The following ANPEP variants were observed in gnomAD, a reference collection of about 807,000 sequenced individuals.
ANPEP encodes the protein alanyl aminopeptidase, membrane, also known as aminopeptidase N.
Under a neutral mutation model 114.6 loss-of-function variants are expected in ANPEP, and 70 were observed. The ratio of observed to expected loss-of-function variants is 0.61; its 90% CI spans 0.50 to 0.75. The LOEUF (loss-of-function observed/expected upper bound fraction) is 0.75, where lower values mean the gene tolerates loss of function less well. Among genes scored for constraint, ANPEP ranks in the 30% least tolerant of loss-of-function variants. The pLI, the probability that ANPEP is intolerant of heterozygous loss-of-function variation, is 0.00. For synonymous variants in ANPEP, 548 were observed against 522.3 expected, an observed-to-expected ratio of 1.05 and a Z score of -0.67; for missense variants, 1,184 against 1,259.5, an observed-to-expected ratio of 0.94 and a Z score of 0.91.
In ANPEP at chr15:89,803,588, G is replaced by A. The variant is rs556877083; in HGVS notation, c.1437+59C>T. 6.2e-7 allele frequency: 1 copy of A among 1,601,020 alleles called. No individual in the cohort carries two copies. The highest frequency in any genetic ancestry group is 8.5e-7 in the Non-Finnish European group (1 of 1,173,708). On this transcript the variant is annotated intron_variant, in intron 8 of 20. Coordinates refer to ENST00000300060, the MANE Select transcript of ANPEP (RefSeq NM_001150.3). This position sits in a 1 kb window ranked among gnomAD's most constrained non-coding sequence, Gnocchi z 4.2. ...TGCCCCCAGACCCTGCCTTCAGTGA[G>A]GCCCCTCCAGGCCAAGTCCCCACCT...
In ANPEP at chr15:89,801,450, C is replaced by A. The variant is rs369285131; in HGVS notation, c.1727G>T (p.Arg576Leu). ...ATCTGCTCACTTGAATTCTGAGGGG[C>A]GGGTAACATTGGAATCGGGGTCAAG... ...FLLDPDSNVT[R>L]PSEFNYVWIV... Residue 576 changes from arginine (R) to leucine (L), a missense_variant, in exon 11 of 21, where the codon CGC (arginine) becomes CTC (leucine). Transcript: ENST00000300060. The A allele has an allele frequency of 2.5e-6, 4 of 1,613,998 alleles. No homozygotes were observed. The highest frequency in any genetic ancestry group is 3.4e-6 in the Non-Finnish European group (4 of 1,179,940).
chr15:89,804,710 C>A, intron 4 of ANPEP, 93 bp from the exon 5 acceptor site: 1 of 1,520,390 alleles, frequency 6.6e-7, no homozygotes, highest in Non-Finnish European at 8.9e-7. Context: ...TGGGGGGATC[C>A]CTGATGGGCC....
chr15:89,792,040 G>C, intron 18 of ANPEP, 120 bp downstream of exon 18: 1 of 1,195,522 alleles, frequency 8.4e-7, no homozygotes, highest in Non-Finnish European at 1.2e-6. Flanking sequence ...TGGAAATACT[G>C]CCTCCACCTC....
At chr15:89,813,464 C>T (rs1011002792) in intron 1 of ANPEP, among the ~76,000 whole-genome samples, 7 of 152,186 alleles carry the variant, frequency 4.6e-5, no homozygotes, top group African/African-American at 1.4e-4. Context: ...CCGGTTTCCC[C>T]ACCTGTGAAG....
At chr15:89,792,723 T>C (rs1207069510) in intron 16 of ANPEP, among the ~76,000 whole-genome samples, 161 bp from the exon 17 acceptor site, 1 of 152,180 alleles carries the variant, frequency 6.6e-6, no homozygotes, top group East Asian at 1.9e-4. Context: ...CTGAGGTTCC[T>C]TGGTCCCCAA....
At chr15:89,792,878 A>G (rs1968659211) in intron 16 of ANPEP, among the ~76,000 whole-genome samples, 157 bp downstream of exon 16, 1 of 152,228 alleles carries the variant, frequency 6.6e-6, no homozygotes, top group African/African-American at 2.4e-5. Flanking sequence ...CTCAGGCCAC[A>G]TGGAGCCTCA....
Position 89,803,400 on chromosome 15 carries a change from A to G in ANPEP, c.1503+42T>C, listed in dbSNP as rs376643950. The G allele has an allele frequency of 1.8e-4, 294 of 1,612,698 alleles. 1 individual carries two copies. In the African/African-American group the frequency reaches 3.3e-3, roughly 18 times the overall value. ...GCCCGGGTCAAGGGCGAGGGGCAGA[A>G]GGAGACCCACCCTCATGGCTGGCCC... is the stretch of plus-strand genomic sequence containing the variant. On this transcript the variant is annotated intron_variant, in intron 9 of 20. Transcript: ENST00000300060. This position sits in a 1 kb window ranked among gnomAD's most constrained non-coding sequence, Gnocchi z 4.2.
In ANPEP at chr15:89,804,526, C is replaced by A. The variant is rs1179888706; in HGVS notation, c.989G>T (p.Gly330Val). The change falls in exon 5 of 21, where the codon GGT (glycine) becomes GTT (valine). Residue 330 changes from glycine to valine, a missense_variant. Gly to Val is a moderately radical substitution (Grantham distance 109). Coordinates refer to ENST00000300060, the MANE Select transcript of ANPEP (RefSeq NM_001150.3). The part of the protein sequence containing the change: ...VTGPILNFFA[G>V]HYDTPYPLPK... ...GAGTGGGTAGGGTGTGTCATAATGA[C>A]CAGCAAAGAAGTTAAGGATGGGGCC... 5 of 1,614,088 alleles carry A rather than the reference C, an allele frequency of 3.1e-6. No individual in the cohort carries two copies. The highest frequency in any genetic ancestry group is 4.2e-6 in the Non-Finnish European group (5 of 1,180,042).
intron 20 of ANPEP, among the ~76,000 whole-genome samples, chr15:89,787,960 T>C (rs2141785304): frequency 6.6e-6 from 1 of 152,262 alleles, no homozygotes; most frequent in South Asian, 2.1e-4. Flanking sequence ...TAGATGACTA[T>C]ACTAAAAAAA....
intron 1 of ANPEP, among the ~76,000 whole-genome samples, chr15:89,810,401 TAAATAAATAA>T (rs1894796354): frequency 1.3e-5 from 2 of 150,936 alleles, no homozygotes; most frequent in Non-Finnish European, 2.9e-5. Context: ...AATAAATAAA[TAAATAAATAA>T]AAATACAAAA....
chr15:89,789,018 C>G (rs181375491), intron 20 of ANPEP, among the ~76,000 whole-genome samples: 1 of 151,414 alleles, frequency 6.6e-6, no homozygotes, highest in Non-Finnish European at 1.5e-5. Flanking sequence ...CTCACTCTGT[C>G]GCCCAAGCTG....
chr15:89,785,384 C>G lies in ANPEP; in HGVS notation c.2869G>C (p.Val957Leu). The G allele has an allele frequency of 6.2e-7, 1 of 1,614,224 alleles. No homozygotes were observed. The highest frequency in any genetic ancestry group is 8.5e-7 in the Non-Finnish European group (1 of 1,180,034). Residue 957 changes from valine (V) to leucine (L), a missense_variant, in exon 21 of 21, where the codon GTG (valine) becomes CTG (leucine). By Grantham distance (32) the Val-to-Leu change is conservative (BLOSUM62 1). Transcript: ENST00000300060. ...TTTTCTGTGAACCACTGGAGCACCA[C>G]CTCCTTGTTCTCCTTCACCCACTTG... is the stretch of plus-strand genomic sequence containing the variant. Reference protein sequence around the residue: ...NIKWVKENKEVVLQWFTENSK With the variant: ...NIKWVKENKELVLQWFTENSK
At chr15:89,804,648 G>A in intron 4 of ANPEP, 31 bp from the exon 5 acceptor site, 1 of 1,606,892 alleles carries the variant, frequency 6.2e-7, no homozygotes, top group Non-Finnish European at 8.5e-7. Context: ...GCAGACCAGG[G>A]GCTCCTGTTT....
intron 11 of ANPEP, 37 bp downstream of exon 11, chr15:89,801,398 C>A: frequency 6.2e-7 from 1 of 1,609,674 alleles, no homozygotes; most frequent in Non-Finnish European, 8.5e-7. Flanking sequence ...CTCTACCCCA[C>A]CCACCTGACC....
chr15:89,789,392 A>G (rs1968571590), intron 20 of ANPEP, among the ~76,000 whole-genome samples: 1 of 152,268 alleles, frequency 6.6e-6, no homozygotes, highest in Non-Finnish European at 1.5e-5. Context: ...TAAACAACTT[A>G]GAAAATTTGA....
Position 89,805,036 on chromosome 15 carries a change from G to A in ANPEP, c.897+42C>T, listed in dbSNP as rs377694687. Reference sequence around the variant, plus strand: ...AGAGAACGGGAAGACCCCTCAAGCCGGGGCCAGCCCACGTGAAGGAGAGAT... The same window carrying A: ...AGAGAACGGGAAGACCCCTCAAGCCAGGGCCAGCCCACGTGAAGGAGAGAT... On this transcript the variant is annotated intron_variant, in intron 4 of 20. Transcript: ENST00000300060. 155 of 1,611,968 alleles carry A rather than the reference G, an allele frequency of 9.6e-5. 1 individual carries two copies. In the Admixed American group the frequency reaches 1.9e-3, roughly 20 times the overall value.
chr15:89,802,991 T>A (rs910486572), intron 10 of ANPEP, among the ~76,000 whole-genome samples: 2 of 151,976 alleles, frequency 1.3e-5, no homozygotes, highest in African/African-American at 4.8e-5. Context: ...ACAGCTCCCA[T>A]CAAGAAGCCC....
At position 89,790,750 on chromosome 15, in the gene ANPEP, C is replaced by T. The variant is rs117177414; in HGVS notation, c.2669+203G>A. On this transcript the variant is annotated intron_variant, in intron 19 of 20. Coordinates refer to ENST00000300060, the MANE Select transcript of ANPEP (RefSeq NM_001150.3). Reference sequence around the variant, plus strand: ...CTCTCTTCTGGAGAATACGCCCACACGCCACGTTTTCCTTCCAAATGGGAA... The same window carrying T: ...CTCTCTTCTGGAGAATACGCCCACATGCCACGTTTTCCTTCCAAATGGGAA... 9.3e-4 allele frequency among the ~76,000 whole-genome samples: 141 copies of T among 152,304 alleles called. 1 individual carries two copies. The highest frequency in any genetic ancestry group is 3.2e-3 in the African/African-American group (133 of 41,552).
At position 89,805,079 on chromosome 15, in the gene ANPEP, A is replaced by G; in HGVS notation, c.896T>C (p.Leu299Ser). ...GGAGAGATGGGCCCAGCCTCATACCAAGACACCATTGGATGCCTGCTTCTC... is the reference window on the plus strand; with the variant it reads ...GGAGAGATGGGCCCAGCCTCATACCGAGACACCATTGGATGCCTGCTTCTC... ...YVEKQASNGV[L>S]IRIWARPSAI... Residue 299 changes from leucine (L) to serine (S), a missense_variant and splice_region_variant, in exon 4 of 21, where the codon TTG (leucine) becomes TCG (serine). Transcript: ENST00000300060. The G allele has an allele frequency of 1.2e-6, 2 of 1,614,194 alleles. No homozygotes were observed. Among genetic ancestry groups the G allele is most frequent in the East Asian group, 2.2e-5 (1 of 44,872 alleles).
Sources: gnomAD v4.1 joint callset for allele counts (sites outside exome capture counted in the v4.1 genomes callset) on GRCh38, gnomAD v4.1.1 for gene constraint, Gnocchi (gnomAD v3.1) non-coding constraint, MANE v1.5 for transcripts, NCBI Gene and HGNC (gene_info 2026-07-23, HGNC 2026-07-21) for gene names.